Variants in PDZRN4 observed in about 807,000 individuals in gnomAD.
PDZRN4 encodes PDZ domain-containing RING finger protein 4.
Under a neutral mutation model 99.0 loss-of-function variants are expected in PDZRN4, and 70 were observed. The ratio of observed to expected loss-of-function variants is 0.71; its 90% CI spans 0.58 to 0.86. The LOEUF is 0.86. PDZRN4 is among the 40% of genes least tolerant of loss of function. PDZRN4 has a pLI of 0.00. For missense variants in PDZRN4, 1,474 were observed against 1,331.2 expected (o/e 1.11, Z -1.67); for synonymous variants, 551 against 501.6 (o/e 1.10, Z -1.32).
chr12:41,448,424 A>G (rs897666379), intron 3 of PDZRN4, among the ~76,000 whole-genome samples: 5 of 152,130 alleles, frequency 3.3e-5, no homozygotes, highest in African/African-American at 4.8e-5. Flanking sequence ...CACTGAGTCC[A>G]GGACAGAGTC....
At chr12:41,267,777 G>C (rs998827676) in intron 3 of PDZRN4, among the ~76,000 whole-genome samples, 1 of 152,058 alleles carries the variant, frequency 6.6e-6, no homozygotes, top group Admixed American at 6.6e-5. Context: ...GGAGATGGAG[G>C]TTGCAGTGAG....
rs1200101501 is a variant in PDZRN4, at chr12:41,555,689, T to C, written c.1303-9T>C. 6.2e-7 allele frequency: 1 copy of C among 1,612,420 alleles called. No individual in the cohort carries two copies. The highest frequency in any genetic ancestry group is 8.5e-7 in the Non-Finnish European group (1 of 1,178,472). ...ACCCAGTTGAAGATGTATGTCCTCT[T>C]CATTACAGGTTGACCCAAATAGCAT... is the stretch of plus-strand genomic sequence containing the variant. On this transcript the variant is annotated splice_polypyrimidine_tract_variant and intron_variant, in intron 6 of 9. Transcript: ENST00000402685.
chr12:41,506,392 A>G, intron 3 of PDZRN4, 64 bp from the exon 4 acceptor site: 1 of 1,450,108 alleles, frequency 6.9e-7, no homozygotes, highest in Non-Finnish European at 9.3e-7. Context: ...GTCTTTTATT[A>G]ATCTATCATG....
chr12:41,500,167 A>G (rs553360905), intron 3 of PDZRN4, among the ~76,000 whole-genome samples: 1 of 152,036 alleles, frequency 6.6e-6, no homozygotes, highest in East Asian at 1.9e-4. Context: ...TCTTATAGGG[A>G]ACATTGTCAG....
At chr12:41,515,462 T>C (rs1938385918) in intron 5 of PDZRN4, among the ~76,000 whole-genome samples, 1 of 152,002 alleles carries the variant, frequency 6.6e-6, no homozygotes, top group African/African-American at 2.4e-5. Context: ...ATAAGTGCCG[T>C]TCCTTTGGGA....
chr12:41,322,791 G>C (rs12424021), intron 3 of PDZRN4, among the ~76,000 whole-genome samples: 102,201 of 151,808 alleles, frequency 0.67, 37,450 homozygotes, highest in Middle Eastern at 0.83. Flanking sequence ...CCACCGCGCC[G>C]GGCAAAATTT....
At chr12:41,254,293 T>C (rs1951190083) in intron 3 of PDZRN4, among the ~76,000 whole-genome samples, 1 of 152,154 alleles carries the variant, frequency 6.6e-6, no homozygotes. Context: ...ATATGCATGA[T>C]ATTATTTAAT....
In PDZRN4 at chr12:41,326,465, T is replaced by TA. The variant is rs570163378; in HGVS notation, c.843+132283dup. Among the ~76,000 whole-genome samples, 12 of 152,298 alleles carry TA rather than the reference T, an allele frequency of 7.9e-5. No individual in the cohort carries two copies. The East Asian group carries it at 1.2e-3, about 15-fold the overall frequency. On this transcript the variant is annotated intron_variant, in intron 3 of 9. Coordinates refer to ENST00000402685, the MANE Select transcript of PDZRN4 (RefSeq NM_001164595.2). ...AATTAAAAACACATCTTGATATTTT[T>TA]AAAAAATCACAAAAATTGTTCCATG...
intron 3 of PDZRN4, among the ~76,000 whole-genome samples, chr12:41,313,801 C>G (rs1951622159): frequency 6.6e-6 from 1 of 152,144 alleles, no homozygotes; most frequent in African/African-American, 2.4e-5. Context: ...ACAAAGTCAT[C>G]ATTTAGTGAT....
intron 3 of PDZRN4, among the ~76,000 whole-genome samples, chr12:41,249,019 G>C (rs769704455): frequency 1.6e-4 from 25 of 152,016 alleles, no homozygotes; most frequent in Non-Finnish European, 2.4e-4. Context: ...TGATTTCCCA[G>C]TATTTATCTT....
chr12:41,496,255 G>A (rs577441158), intron 3 of PDZRN4, among the ~76,000 whole-genome samples: 3 of 152,204 alleles, frequency 2.0e-5, no homozygotes, highest in East Asian at 1.9e-4. Context: ...GGAATGTAAC[G>A]TGTATCCCCA....
intron 3 of PDZRN4, among the ~76,000 whole-genome samples, chr12:41,257,617 T>C (rs533733618): frequency 2.7e-4 from 41 of 152,302 alleles, no homozygotes; most frequent in African/African-American, 9.9e-4. Context: ...AGAAAGCCTT[T>C]GGACACATAG....
chr12:41,255,841 G>T (rs1368174027), intron 3 of PDZRN4, among the ~76,000 whole-genome samples: 9 of 152,142 alleles, frequency 5.9e-5, no homozygotes, highest in Non-Finnish European at 1.2e-4. Flanking sequence ...AAGGGGCAGA[G>T]CCAAGCTCCT....
chr12:41,501,702 C>T (rs1352449017), intron 3 of PDZRN4, among the ~76,000 whole-genome samples: 1 of 152,042 alleles, frequency 6.6e-6, no homozygotes, highest in Non-Finnish European at 1.5e-5. Flanking sequence ...GAAATAATAA[C>T]TTTTTAGAAA....
intron 3 of PDZRN4, among the ~76,000 whole-genome samples, chr12:41,389,095 C>T (rs375581234): frequency 2.0e-5 from 3 of 151,988 alleles, no homozygotes; most frequent in South Asian, 2.1e-4. Flanking sequence ...TCTGCAGGTA[C>T]TTAAGATTAT....
At chr12:41,572,176 T>G (rs1229009007) in intron 9 of PDZRN4, among the ~76,000 whole-genome samples, 188 bp from the exon 10 acceptor site, 1 of 152,188 alleles carries the variant, frequency 6.6e-6, no homozygotes, top group Non-Finnish European at 1.5e-5. Flanking sequence ...TTTTCTTCAT[T>G]TCATTGTATA....
At chr12:41,323,546 T>C (rs1462893160) in intron 3 of PDZRN4, among the ~76,000 whole-genome samples, 1 of 152,026 alleles carries the variant, frequency 6.6e-6, no homozygotes, top group South Asian at 2.1e-4. Context: ...TATTGTATTG[T>C]TCAGGCAAAT....
At chr12:41,195,103 T>C (rs1030001630) in intron 3 of PDZRN4, among the ~76,000 whole-genome samples, 19 of 152,206 alleles carry the variant, frequency 1.2e-4, no homozygotes, top group Non-Finnish European at 1.8e-4. Flanking sequence ...AGTGAGCACC[T>C]ATATGCTAGT....
intron 3 of PDZRN4, among the ~76,000 whole-genome samples, chr12:41,337,758 T>C (rs988672404): frequency 2.0e-5 from 3 of 152,126 alleles, no homozygotes; most frequent in African/African-American, 7.2e-5. Flanking sequence ...CCTGCAAAGA[T>C]GAGGATGAAG....
Sources: gnomAD v4.1 joint callset for allele counts (sites outside exome capture counted in the v4.1 genomes callset) on GRCh38, gnomAD v4.1.1 for gene constraint, MANE v1.5 for transcripts, NCBI Gene and HGNC (gene_info 2026-07-23, HGNC 2026-07-21) for gene names.